Variants in PCGF6 observed in about 807,000 individuals in gnomAD.
The protein encoded by PCGF6 is polycomb group RING finger protein 6.
Under a neutral mutation model 45.5 loss-of-function variants are expected in PCGF6, and 24 were observed. That is an observed-to-expected ratio of 0.53 (90% CI 0.38 to 0.74). PCGF6 has a LOEUF of 0.74. PCGF6 is among the 30% of genes least tolerant of loss of function. The pLI is 0.00. For missense variants in PCGF6, 356 were observed against 443.2 expected (o/e 0.80, Z 1.77); for synonymous variants, 152 against 162.1 (o/e 0.94, Z 0.47).
chr10:103,349,779 T>C (rs2133604496), intron 1 of PCGF6, among the ~76,000 whole-genome samples: 1 of 150,342 alleles, frequency 6.7e-6, no homozygotes, highest in East Asian at 2.0e-4. Context: ...CCAGCCAAAT[T>C]ATTGTTTCAA....
At chr10:103,316,052 C>T (rs921701613) in intron 8 of PCGF6, among the ~76,000 whole-genome samples, 4 of 148,060 alleles carry the variant, frequency 2.7e-5, no homozygotes, top group Non-Finnish European at 5.9e-5. Flanking sequence ...AGATATCTCA[C>T]TTAACTGGCT....
intron 6 of PCGF6, among the ~76,000 whole-genome samples, chr10:103,339,810 AACACAC>A (rs201660003): frequency 0.049 from 1,567 of 32,086 alleles, 61 homozygotes; most frequent in African/African-American, 0.07. Flanking sequence ...TCAAAAAAAA[AACACAC>A]ACACACACAC....
At position 103,347,456 on chromosome 10, in the gene PCGF6, AAAAGG is replaced by A. The variant is rs1333598902; in HGVS notation, c.558-11_558-7del. On this transcript the variant is annotated splice_polypyrimidine_tract_variant and splice_region_variant and intron_variant, in intron 3 of 9. Transcript: ENST00000369847. The stretch of plus-strand genomic sequence containing the variant: ...CTTGTAACTGTCGGTCCAACCTAAT[AAAAGG>A]AAAGGATGGAGAATACCTCAGAATT... The A allele has an allele frequency of 2.5e-6, 4 of 1,598,722 alleles. No individual in the cohort carries two copies. The highest frequency in any genetic ancestry group is 3.4e-6 in the Non-Finnish European group (4 of 1,168,198).
At chr10:103,328,264 G>A (rs1468215219) in intron 7 of PCGF6, among the ~76,000 whole-genome samples, 1 of 152,150 alleles carries the variant, frequency 6.6e-6, no homozygotes, top group East Asian at 1.9e-4. Flanking sequence ...GGGAACCGAG[G>A]CACACATTTG....
chr10:103,343,085 C>G (rs1334723550), intron 6 of PCGF6, among the ~76,000 whole-genome samples: 1 of 152,048 alleles, frequency 6.6e-6, no homozygotes, highest in Admixed American at 6.6e-5. Flanking sequence ...CCTACCACCA[C>G]GACCAGCTAA....
chr10:103,348,262 A>C (rs2093306904), intron 3 of PCGF6: 1 of 154,774 alleles, frequency 6.5e-6, no homozygotes, highest in Non-Finnish European at 1.4e-5. Context: ...TGCCTAGTAC[A>C]TAGTAAGTGC....
intron 7 of PCGF6, among the ~76,000 whole-genome samples, chr10:103,331,632 A>C (rs574230488): frequency 6.6e-6 from 1 of 152,320 alleles, no homozygotes; most frequent in East Asian, 1.9e-4. Flanking sequence ...TAATTAATTT[A>C]TATGTCCCTT....
chr10:103,347,572 T>A lies in PCGF6; in HGVS notation c.558-122A>T, dbSNP rs181435667. On this transcript the variant is annotated intron_variant, in intron 3 of 9. Coordinates refer to ENST00000369847, the MANE Select transcript of PCGF6 (RefSeq NM_001011663.2). ...TTTTTTCTCAGAGGTGAGTTACTTT[T>A]AAGTAGCATTTACAGTTCCTAAAAT... The A allele has an allele frequency of 2.7e-4, 194 of 722,476 alleles. 1 individual carries two copies. The East Asian group carries it at 3.9e-3, about 14-fold the overall frequency. 44.8% of individuals were successfully genotyped at this position (722,476 alleles called of 1,614,324 possible). A position where few individuals can be genotyped will look rare whatever the true frequency, so the allele number is the denominator to read the frequency against.
chr10:103,316,025 G>A (rs1326973425), intron 8 of PCGF6, among the ~76,000 whole-genome samples: 1 of 151,222 alleles, frequency 6.6e-6, no homozygotes, highest in African/African-American at 2.4e-5. Flanking sequence ...GAGAGAGAGA[G>A]AGAGAGAGAG....
chr10:103,343,035 TCTC>T (rs1177370601), intron 6 of PCGF6, among the ~76,000 whole-genome samples: 6 of 151,996 alleles, frequency 3.9e-5, no homozygotes, highest in Non-Finnish European at 7.4e-5. Context: ...TTCACGCCAT[TCTC>T]CTGCCTCAGC....
At chr10:103,342,226 AC>A (rs747564100) in intron 6 of PCGF6, among the ~76,000 whole-genome samples, 1 of 141,920 alleles carries the variant, frequency 7.0e-6, no homozygotes, top group Non-Finnish European at 1.5e-5. Context: ...GAGCCACTGC[AC>A]CCGGACTTTT....
At chr10:103,317,306 G>A (rs937091191) in intron 8 of PCGF6, among the ~76,000 whole-genome samples, 32 of 151,942 alleles carry the variant, frequency 2.1e-4, no homozygotes, top group Non-Finnish European at 3.8e-4. Flanking sequence ...CCAAATCACC[G>A]GGCCTATGTT....
intron 9 of PCGF6, among the ~76,000 whole-genome samples, chr10:103,310,692 AT>A (rs553642723): frequency 1.2e-4 from 18 of 152,078 alleles, no homozygotes; most frequent in East Asian, 1.2e-3. Flanking sequence ...AAAAAAAAAA[AT>A]ATTATTTCTT....
intron 3 of PCGF6, among the ~76,000 whole-genome samples, chr10:103,347,721 T>A (rs550202290): frequency 2.0e-4 from 31 of 152,290 alleles, no homozygotes; most frequent in African/African-American, 7.5e-4. Context: ...AAGGTCTCAC[T>A]TTTGTCACCC....
At chr10:103,327,287 AAAAC>A (rs949092264) in intron 7 of PCGF6, among the ~76,000 whole-genome samples, 52 of 152,308 alleles carry the variant, frequency 3.4e-4, no homozygotes, top group African/African-American at 1.2e-3. Flanking sequence ...CTCCGTCTAA[AAAAC>A]AAACAAACAA....
At chr10:103,349,113 T>C (rs1015333949) in intron 1 of PCGF6, 114 bp from the exon 2 acceptor site, 1 of 842,636 alleles carries the variant, frequency 1.2e-6, no homozygotes, top group Non-Finnish European at 1.8e-6. Flanking sequence ...AGTGATGTCA[T>C]CTCGGTTCAC....
chr10:103,340,007 C>CAAAAAAAAAAA (rs60211186), intron 6 of PCGF6, among the ~76,000 whole-genome samples: 145 of 59,120 alleles, frequency 2.5e-3, no homozygotes, highest in East Asian at 3.5e-3. Context: ...ACTAAAAATA[C>CAAAAAAAAAAA]AAAAAAAAAA....
intron 9 of PCGF6, among the ~76,000 whole-genome samples, chr10:103,311,196 C>CAGT (rs1592055011): frequency 1.3e-5 from 2 of 152,250 alleles, no homozygotes; most frequent in East Asian, 1.9e-4. Flanking sequence ...GGCTGATGTG[C>CAGT]AGTAGTGCGA....
intron 6 of PCGF6, among the ~76,000 whole-genome samples, chr10:103,338,097 T>C (rs2093264584): frequency 6.7e-6 from 1 of 149,286 alleles, no homozygotes; most frequent in African/African-American, 2.5e-5. Flanking sequence ...CAAAATTAGC[T>C]GAGCATGGTG....
Sources: gnomAD v4.1 joint callset for allele counts (sites outside exome capture counted in the v4.1 genomes callset) on GRCh38, gnomAD v4.1.1 for gene constraint, MANE v1.5 for transcripts, NCBI Gene and HGNC (gene_info 2026-07-23, HGNC 2026-07-21) for gene names.